The following IFT74 variants were observed in gnomAD, a reference collection of about 807,000 sequenced individuals.
IFT74 encodes the protein intraflagellar transport 74.
A neutral mutation model predicts 96.7 loss-of-function variants in IFT74; 92 were observed. That is an observed-to-expected ratio of 0.95 (90% CI 0.80 to 1.13). The LOEUF is 1.13. IFT74 is among the 50% of genes most tolerant of loss of function. The pLI, the probability that IFT74 is intolerant of heterozygous loss-of-function variation, is 0.00. For missense variants in IFT74, 811 were observed against 698.2 expected (o/e 1.16, Z -1.82); for synonymous variants, 223 against 213.2 (o/e 1.05, Z -0.40).
Position 26,984,535 on chromosome 9 carries a change from A to C in IFT74, c.441A>C (p.Gln147His). The C allele has an allele frequency of 6.2e-7, 1 of 1,612,130 alleles. No individual in the cohort carries two copies. Among genetic ancestry groups the C allele is most frequent in the South Asian group, 1.1e-5 (1 of 90,866 alleles). ...TAGCTGTTGAGATAAAAGAGCTTCA[A>C]GGACAACTAGCAGACTACAACATGG... is the stretch of plus-strand genomic sequence containing the variant. ...ETLAVEIKELQGQLADYNMLV... is the reference protein window; with the variant it reads ...ETLAVEIKELHGQLADYNMLV... The change falls in exon 6 of 20, where the codon CAA becomes CAC. Residue 147 changes from glutamine (Q) to histidine (H), a missense_variant. Transcript: ENST00000380062.
chr9:26,995,575 A>G (rs144657022), intron 8 of IFT74: 1 of 1,599,026 alleles, frequency 6.3e-7, no homozygotes, highest in African/African-American at 1.3e-5. Flanking sequence ...CAATAAATCC[A>G]TCATCATCTA....
At chr9:26,954,951 C>T (rs1267239962), upstream of IFT74, among the ~76,000 whole-genome samples, 1 of 152,018 alleles carries the variant, frequency 6.6e-6, no homozygotes, top group African/African-American at 2.4e-5. Context: ...GAGATGTATT[C>T]CTATTCTCTA....
chr9:27,048,450 T>C (rs184502199), intron 16 of IFT74, among the ~76,000 whole-genome samples, 176 bp downstream of exon 16: 2 of 152,338 alleles, frequency 1.3e-5, no homozygotes, highest in Admixed American at 1.3e-4. Flanking sequence ...TTGTCACTGA[T>C]TTAACAACAT....
In IFT74 at chr9:27,019,397, G is replaced by C. The variant is rs1309835370; in HGVS notation, c.974+710G>C. 4.6e-5 allele frequency among the ~76,000 whole-genome samples: 7 copies of C among 152,036 alleles called. 1 individual carries two copies. The East Asian group carries it at 1.4e-3, about 30-fold the overall frequency. ...ATGGAATCATTCAATATGTGCTTCT[G>C]TGTGTCAGGATGCTTTCACTTAGCA... On this transcript the variant is annotated intron_variant, in intron 12 of 19. Transcript: ENST00000380062.
chr9:27,043,454 G>A (rs1173127577), intron 13 of IFT74, among the ~76,000 whole-genome samples: 1 of 152,150 alleles, frequency 6.6e-6, no homozygotes, highest in Non-Finnish European at 1.5e-5. Context: ...TCTACAGAAG[G>A]CAGCTGCCAT....
At chr9:26,968,292 C>T (rs961571784) in intron 2 of IFT74, among the ~76,000 whole-genome samples, 7 of 149,874 alleles carry the variant, frequency 4.7e-5, no homozygotes, top group African/African-American at 1.7e-4. Flanking sequence ...GATGTAATCT[C>T]GCTCTGTTGC....
At chr9:27,036,683 G>C in intron 13 of IFT74, 3 of 1,184,722 alleles carry the variant, frequency 2.5e-6, no homozygotes. Flanking sequence ...TTGCTTCTGT[G>C]AAAAAAAAAA....
At chr9:27,058,417 C>T (rs761227875) in intron 18 of IFT74, among the ~76,000 whole-genome samples, 3 of 150,692 alleles carry the variant, frequency 2.0e-5, no homozygotes, top group Admixed American at 6.6e-5. Flanking sequence ...CGAAGTTTTG[C>T]TCTTGTCACC....
intron 4 of IFT74, chr9:26,984,048 T>A (rs1827516214): frequency 3.0e-6 from 1 of 335,686 alleles, no homozygotes; most frequent in Non-Finnish European, 5.4e-6. Flanking sequence ...CCTCCCAAAG[T>A]GTTGGGATTA....
chr9:26,959,655 G>A, intron 1 of IFT74, among the ~76,000 whole-genome samples: 1 of 152,148 alleles, frequency 6.6e-6, no homozygotes, highest in South Asian at 2.1e-4. Context: ...AATGGCTGTT[G>A]AGACTGGAGG....
At chr9:27,014,898 C>T (rs762301508) in intron 10 of IFT74, among the ~76,000 whole-genome samples, 5 of 152,202 alleles carry the variant, frequency 3.3e-5, no homozygotes, top group Non-Finnish European at 7.3e-5. Flanking sequence ...TGAGCTATCA[C>T]GCCCAGCCCA....
chr9:26,952,841 TA>T (rs1489291842), upstream of IFT74, among the ~76,000 whole-genome samples: 1 of 152,252 alleles, frequency 6.6e-6, no homozygotes, highest in African/African-American at 2.4e-5. Flanking sequence ...TCATGTTCAC[TA>T]TTCAAGGGCC....
At chr9:26,980,281 C>G (rs76652919) in intron 3 of IFT74, among the ~76,000 whole-genome samples, 5,851 of 152,218 alleles carry the variant, frequency 0.038, 133 homozygotes, top group Middle Eastern at 0.065. Flanking sequence ...CAGCTCTGTT[C>G]CAGATTCCCT....
At chr9:26,977,733 C>T (rs1827188476) in intron 2 of IFT74, among the ~76,000 whole-genome samples, 1 of 152,182 alleles carries the variant, frequency 6.6e-6, no homozygotes, top group African/African-American at 2.4e-5. Flanking sequence ...ACATGATCCA[C>T]CTGCCTTGGC....
intron 8 of IFT74, chr9:26,996,571 T>G: frequency 9.1e-7 from 1 of 1,096,410 alleles, no homozygotes. Context: ...AATTGTTTTA[T>G]CTAGAATTTT....
chr9:27,028,993 C>A (rs1474982040), intron 12 of IFT74, 32 bp from the exon 13 acceptor site: 3 of 1,532,040 alleles, frequency 2.0e-6, no homozygotes, highest in Non-Finnish European at 2.7e-6. Context: ...TCTATATTTC[C>A]TTCATAAATT....
chr9:27,013,046 G>C (rs1351713408), intron 10 of IFT74, among the ~76,000 whole-genome samples: 1 of 152,054 alleles, frequency 6.6e-6, no homozygotes, highest in Non-Finnish European at 1.5e-5. Flanking sequence ...CTTCTTTCCA[G>C]ATAGAACTAC....
chr9:27,006,898 G>A (rs894444846), intron 8 of IFT74, among the ~76,000 whole-genome samples: 4 of 138,268 alleles, frequency 2.9e-5, no homozygotes, highest in South Asian at 2.5e-4. Flanking sequence ...GTGTAGTGGC[G>A]CAGTCTCGGC....
intron 4 of IFT74, among the ~76,000 whole-genome samples, chr9:26,981,872 A>C (rs1037139594): frequency 2.7e-5 from 4 of 149,798 alleles, no homozygotes; most frequent in African/African-American, 9.9e-5. Context: ...GGTTTAAGCT[A>C]TTCTCCTGCC....
Sources: allele counts gnomAD v4.1 joint callset (sites outside exome capture counted in the v4.1 genomes callset), GRCh38; gene constraint gnomAD v4.1.1; transcripts MANE v1.5; gene names NCBI Gene and HGNC (gene_info 2026-07-23, HGNC 2026-07-21).